CTNS: variants seen among roughly 807,000 people sequenced by gnomAD.
The protein encoded by CTNS is cystinosin.
A neutral mutation model predicts 43.7 loss-of-function variants in CTNS; 27 were observed. The observed-to-expected ratio is 0.62, with a 90% CI of 0.46 to 0.85. The LOEUF is 0.85. Ranked by LOEUF, CTNS falls within the 40% of genes least tolerant of loss-of-function variation. CTNS has a pLI of 0.00. For synonymous variants in CTNS, 187 were observed against 190.6 expected (o/e 0.98, Z 0.16); for missense variants, 457 against 475.4 (o/e 0.96, Z 0.36).
In CTNS at chr17:3,650,395, T is replaced by C. The variant is rs1410543232; in HGVS notation, c.225+1464T>C. 8 of 1,522,814 alleles carry C rather than the reference T, an allele frequency of 5.3e-6. 1 individual carries two copies. The African/African-American group carries it at 5.5e-5, about 10-fold the overall frequency. 94.3% of individuals were successfully genotyped at this position (1,522,814 alleles called of 1,614,324 possible). A position where few individuals can be genotyped will look rare whatever the true frequency, so the allele number is the denominator to read the frequency against. ...TACTTGGGAGGCTGAGGCAGGAGAA[T>C]CACTTGAGCCCAGGAACTCAAGGCT... On this transcript the variant is annotated intron_variant, in intron 5 of 11. Transcript: ENST00000046640.
At position 3,640,199 on chromosome 17, in the gene CTNS, C is replaced by T. The variant is rs372701935; in HGVS notation, c.-8C>T. 1.9e-5 allele frequency: 30 copies of T among 1,613,308 alleles called. No individual in the cohort carries two copies. Among genetic ancestry groups the T allele is most frequent in the African/African-American group, 2.7e-5 (2 of 74,902 alleles). On this transcript the variant is annotated 5_prime_UTR_variant, in exon 3 of 12. Coordinates refer to ENST00000046640, the MANE Select transcript of CTNS (RefSeq NM_004937.3). ...GTTTTTCTTCCTAGTTCTGAGAAAT[C>T]GAGAAACATGATAAGGAATTGGCTG...
At position 3,662,034 on chromosome 17, in the gene CTNS, A is replaced by G. The variant is rs112317698; in HGVS notation, c.*1665A>G. ...TTCAAATGATTGACTTTTCCGGCTG[A>G]GTGCGGTGGCTCACGCCTGTAATCC... On this transcript the variant is annotated 3_prime_UTR_variant, in exon 12 of 12. Transcript: ENST00000046640. Among the ~76,000 whole-genome samples, 6,988 of 152,234 alleles carry G rather than the reference A, an allele frequency of 0.046. 231 individuals are homozygous for G. Among genetic ancestry groups the G allele is most frequent in the African/African-American group, 0.089 (3,712 of 41,540 alleles).
Position 3,647,435 on chromosome 17 carries a change from T to C in CTNS, c.62-9T>C. 6.2e-7 allele frequency: 1 copy of C among 1,613,576 alleles called. No homozygotes were observed. Among genetic ancestry groups the C allele is most frequent in the South Asian group, 1.1e-5 (1 of 91,076 alleles). On this transcript the variant is annotated splice_polypyrimidine_tract_variant and intron_variant, in intron 3 of 11. Transcript: ENST00000046640. Reference sequence around the variant, plus strand: ...CAGTGCCTCATGTCATTGATTTGGGTCCTTCCAGAGTCAAGCGTCAGCCTC... The same window carrying C: ...CAGTGCCTCATGTCATTGATTTGGGCCCTTCCAGAGTCAAGCGTCAGCCTC...
rs746564292 is a variant in CTNS at position 3,658,091 on chromosome 17, A to G, written c.768A>G (p.Ala256=). Residue 256 remains alanine (A), a synonymous_variant, in exon 10 of 12, where the codon GCA becomes GCG. Coordinates refer to ENST00000046640, the MANE Select transcript of CTNS (RefSeq NM_004937.3). The part of the protein sequence containing the change: ...LFAFVTMIVA[A]VGVTTWLQFL... ...CATTTGTCACCATGATCGTGGCTGC[A>G]GTGGGAGTGACCACGTGGCTGCAGT... is the stretch of plus-strand genomic sequence containing the variant. 1.3e-5 allele frequency: 21 copies of G among 1,612,154 alleles called. No homozygotes were observed. In the East Asian group the frequency reaches 3.1e-4, roughly 24 times the overall value.
chr17:3,651,125 C>T (rs1379283161), intron 5 of CTNS, among the ~76,000 whole-genome samples: 3 of 151,380 alleles, frequency 2.0e-5, no homozygotes, highest in East Asian at 3.9e-4. Flanking sequence ...GACAGAGTCT[C>T]ACTTTGTAGC....
Position 3,661,419 on chromosome 17 carries a change from G to GA in CTNS, c.*1050_*1051insA, listed in dbSNP as rs1465611319. On this transcript the variant is annotated 3_prime_UTR_variant, in exon 12 of 12. Coordinates refer to ENST00000046640, the MANE Select transcript of CTNS (RefSeq NM_004937.3). ...AAAGCTGTCCTTCCTATGGCAGGAGGGGTGGGGGTCCCAGGACGTGCCTCA... is the reference window on the plus strand; with the variant it reads ...AAAGCTGTCCTTCCTATGGCAGGAGGAGGTGGGGGTCCCAGGACGTGCCTCA... 1.3e-5 allele frequency: 2 copies of GA among 153,432 alleles called. No homozygotes were observed. The highest frequency in any genetic ancestry group is 1.3e-4 in the Admixed American group (2 of 15,478). 9.5% of individuals were successfully genotyped at this position (153,432 alleles called of 1,614,324 possible).
Position 3,661,047 on chromosome 17 carries a change from G to A in CTNS, c.*678G>A, listed in dbSNP as rs570504841. ...AGTAACTCCTTTCAGATTTTTTGGA[G>A]GGACGTTTGGAAGTGGCTTACTCTC... On this transcript the variant is annotated 3_prime_UTR_variant, in exon 12 of 12. Coordinates refer to ENST00000046640, the MANE Select transcript of CTNS (RefSeq NM_004937.3). 2.4e-6 allele frequency: 1 copy of A among 414,184 alleles called. No homozygotes were observed. Among genetic ancestry groups the A allele is most frequent in the East Asian group, 5.4e-5 (1 of 18,438 alleles). 25.7% of individuals were successfully genotyped at this position (414,184 alleles called of 1,614,324 possible).
rs1471854223 is a variant in CTNS at position 3,647,502 on chromosome 17, C to T, written c.120C>T (p.Thr40=). Reference sequence around the variant, plus strand: ...TAAAGCTGGAGAACGGCAGCTCGACCAACGTCAGCCTCACCCTGCGGTAAG... The same window carrying T: ...TAAAGCTGGAGAACGGCAGCTCGACTAACGTCAGCCTCACCCTGCGGTAAG... ...PVVKLENGSS[T]NVSLTLRPPL... is the part of the protein sequence containing the mutation. Residue 40 remains threonine (T), a synonymous_variant, in exon 4 of 12, where the codon ACC becomes ACT. Transcript: ENST00000046640. The T allele has an allele frequency of 6.2e-7, 1 of 1,614,130 alleles. No individual in the cohort carries two copies. The highest frequency in any genetic ancestry group is 1.3e-5 in the African/African-American group (1 of 75,066).
chr17:3,649,379 G>C (rs2150907763), intron 5 of CTNS, among the ~76,000 whole-genome samples: 1 of 151,858 alleles, frequency 6.6e-6, no homozygotes, highest in African/African-American at 2.4e-5. Flanking sequence ...TTGAACCCAG[G>C]AGGCGGAGGT....
intron 7 of CTNS, 91 bp downstream of exon 7, chr17:3,655,443 C>T: frequency 6.4e-7 from 1 of 1,560,340 alleles, no homozygotes; most frequent in Non-Finnish European, 8.8e-7. Context: ...CCTCCAACGT[C>T]CCCTCTACCC....
intron 2 of CTNS, among the ~76,000 whole-genome samples, chr17:3,638,142 C>T (rs1162539953): frequency 6.6e-6 from 1 of 152,106 alleles, no homozygotes; most frequent in Non-Finnish European, 1.5e-5. Flanking sequence ...GAAGGGCACG[C>T]CAGACAGAGC....
At chr17:3,645,115 C>T (rs1454398200) in intron 3 of CTNS, among the ~76,000 whole-genome samples, 2 of 152,196 alleles carry the variant, frequency 1.3e-5, no homozygotes, top group Non-Finnish European at 2.9e-5. Flanking sequence ...ACTGGTGGTA[C>T]AGGAAGTCCC....
intron 3 of CTNS, among the ~76,000 whole-genome samples, chr17:3,643,813 C>T (rs559199221): frequency 5.3e-5 from 8 of 152,206 alleles, no homozygotes; most frequent in African/African-American, 1.7e-4. Context: ...GTGATCTGAC[C>T]GCCTCAGCCT....
At chr17:3,658,256 G>T (rs2076203167) in intron 10 of CTNS, 81 bp downstream of exon 10, 2 of 1,547,744 alleles carry the variant, frequency 1.3e-6, no homozygotes, top group East Asian at 4.6e-5. Flanking sequence ...CGGTGGGGCA[G>T]CTCCTGCCGG....
rs376472844 is a variant in CTNS at position 3,660,708 on chromosome 17, G to C, written c.*339G>C. On this transcript the variant is annotated 3_prime_UTR_variant, in exon 12 of 12. Coordinates refer to ENST00000046640, the MANE Select transcript of CTNS (RefSeq NM_004937.3). ...GAAGGCCTTGCCCCAAACTACCAGC[G>C]TTTCTGCAAGCAGCTTGAAGGGCTG... 3 of 1,613,630 alleles carry C rather than the reference G, an allele frequency of 1.9e-6. No individual in the cohort carries two copies. The highest frequency in any genetic ancestry group is 2.5e-6 in the Non-Finnish European group (3 of 1,180,048).
rs1223083919 is a variant in CTNS at position 3,648,876 on chromosome 17, C to T, written c.170C>T (p.Thr57Ile). The T allele has an allele frequency of 1.2e-6, 2 of 1,613,958 alleles. No homozygotes were observed. Among genetic ancestry groups the T allele is most frequent in the Non-Finnish European group, 1.7e-6 (2 of 1,179,920 alleles). ...RPPLNATLVI[T>I]FEITFRSKNI... The stretch of plus-strand genomic sequence containing the variant: ...CCATTAAATGCAACCCTGGTGATCA[C>T]TTTTGAAATCACATTTCGTTCCAAA... The change falls in exon 5 of 12, where the codon ACT becomes ATT. Residue 57 changes from threonine to isoleucine, a missense_variant. Transcript: ENST00000046640.
chr17:3,658,243 C>G, intron 10 of CTNS, 68 bp downstream of exon 10: 1 of 1,587,754 alleles, frequency 6.3e-7, no homozygotes, highest in South Asian at 1.1e-5. Flanking sequence ...CCAGGCCCTG[C>G]TCCGGTGGGG....
At chr17:3,651,978 A>AAAAAG (rs57204960) in intron 5 of CTNS, among the ~76,000 whole-genome samples, 16,003 of 149,640 alleles carry the variant, frequency 0.11, 3,094 homozygotes, top group African/African-American at 0.37. Context: ...TGTCTCAAAA[A>AAAAAG]AAAAGAAAAG....
rs531411098 is a variant in CTNS at position 3,640,226 on chromosome 17, C to T, written c.20C>T (p.Thr7Ile). Residue 7 changes from threonine to isoleucine, a missense_variant, in exon 3 of 12, where the codon ACT (threonine) becomes ATT (isoleucine). Transcript: ENST00000046640. ...AGAAACATGATAAGGAATTGGCTGA[C>T]TATTTTTATCCTTTTTCCCCTGAAG... is the stretch of plus-strand genomic sequence containing the variant. MIRNWL[T>I]IFILFPLKLV... 3.7e-6 allele frequency: 6 copies of T among 1,614,066 alleles called. No individual in the cohort carries two copies. In the East Asian group the frequency reaches 8.9e-5, roughly 24 times the overall value.
Sources: allele counts gnomAD v4.1 joint callset (sites outside exome capture counted in the v4.1 genomes callset), GRCh38; gene constraint gnomAD v4.1.1; transcripts MANE v1.5; gene names NCBI Gene and HGNC (gene_info 2026-07-23, HGNC 2026-07-21).